The following KIDINS220 variants were observed in gnomAD, a reference collection of about 807,000 sequenced individuals.
KIDINS220 encodes kinase D interacting substrate 220.
A neutral mutation model predicts 157.6 loss-of-function variants in KIDINS220; 63 were observed. That is an observed-to-expected ratio of 0.40 (90% CI 0.33 to 0.49). KIDINS220 has a LOEUF of 0.49. KIDINS220 is among the 20% of genes least tolerant of loss of function. The probability of loss-of-function intolerance (pLI) is 0.66; values close to 1 mark genes in which losing one functional copy is unlikely to be tolerated. For missense variants in KIDINS220, 1,772 were observed against 2,171.2 expected (o/e 0.82, Z 3.65); for synonymous variants, 732 against 783.6 (o/e 0.93, Z 1.10).
At chr2:8,779,594 T>G in intron 18 of KIDINS220, 80 bp downstream of exon 18, 1 of 1,455,598 alleles carries the variant, frequency 6.9e-7, no homozygotes, top group Admixed American at 2.2e-5. Flanking sequence ...TCCGTTCTAT[T>G]TTTAGATATT....
intron 22 of KIDINS220, among the ~76,000 whole-genome samples, chr2:8,761,545 C>T (rs1668747906): frequency 6.6e-6 from 1 of 151,894 alleles, no homozygotes; most frequent in South Asian, 2.1e-4. Flanking sequence ...AAAACTATGT[C>T]ATATGAATAG....
At chr2:8,746,097 ACAGT>A (rs1406018039) in intron 26 of KIDINS220, among the ~76,000 whole-genome samples, 1 of 149,018 alleles carries the variant, frequency 6.7e-6, no homozygotes, top group Non-Finnish European at 1.5e-5. Flanking sequence ...GAAGTCTTAT[ACAGT>A]AATTTTTTTT....
chr2:8,802,301 T>G (rs1024746853), intron 8 of KIDINS220, among the ~76,000 whole-genome samples: 1 of 152,168 alleles, frequency 6.6e-6, no homozygotes, highest in South Asian at 2.1e-4. Flanking sequence ...AGAACCCAGT[T>G]GCAAAGCTAC....
downstream of KIDINS220, among the ~76,000 whole-genome samples, chr2:8,726,550 C>G (rs1251668077): frequency 6.6e-6 from 1 of 152,204 alleles, no homozygotes; most frequent in Non-Finnish European, 1.5e-5. Context: ...CATCAGTTGA[C>G]GACAGGGGTA....
downstream of KIDINS220, chr2:8,726,985 C>A (rs1415276389): frequency 8.1e-7 from 1 of 1,231,650 alleles, no homozygotes; most frequent in East Asian, 5.6e-5. Flanking sequence ...ATTGTAAATT[C>A]TCTATTTAAT....
chr2:8,734,796 T>C (rs1293973452), intron 27 of KIDINS220, 43 bp from the exon 28 acceptor site: 6 of 1,355,906 alleles, frequency 4.4e-6, no homozygotes, highest in Non-Finnish European at 5.2e-6. Context: ...AGACAGAATG[T>C]GAAATATTCT....
chr2:8,728,001 A>C (rs1663516358), downstream of KIDINS220, among the ~76,000 whole-genome samples: 3 of 152,200 alleles, frequency 2.0e-5, no homozygotes, highest in South Asian at 6.2e-4. Context: ...CATTTGATAC[A>C]TTATCAGAAC....
rs200846235 is a variant in KIDINS220 at position 8,785,785 on chromosome 2, C to T, written c.2185G>A (p.Ala729Thr). The T allele has an allele frequency of 1.6e-4, 252 of 1,613,736 alleles. No individual in the cohort carries two copies. Among genetic ancestry groups the T allele is most frequent in the Non-Finnish European group, 2.0e-4 (232 of 1,179,958 alleles). ...TTCAATTTGTGCAGTTTGGAGGCTG[C>T]ATTATGGAGGCGTTTTCTTTGGGAA... ...LNSQRKRLHN[A>T]ASKLHKLKSE... Residue 729 changes from alanine (A) to threonine (T), a missense_variant, in exon 17 of 30, where the codon GCA (alanine) becomes ACA (threonine). Around this residue, in one of 3 missense-constraint regions of KIDINS220, gnomAD observed 725 missense variants for 1,017.1 expected, o/e 0.71. Coordinates refer to ENST00000256707, the MANE Select transcript of KIDINS220 (RefSeq NM_020738.4).
At chr2:8,726,491 C>G (rs115416904), downstream of KIDINS220, among the ~76,000 whole-genome samples, 1,339 of 152,344 alleles carry the variant, frequency 8.8e-3, 26 homozygotes, top group African/African-American at 0.031. Context: ...TATAAATTCT[C>G]TAATTGGTGA....
At chr2:8,827,739 G>T (rs1297146441) in intron 1 of KIDINS220, among the ~76,000 whole-genome samples, 2 of 152,138 alleles carry the variant, frequency 1.3e-5, no homozygotes, top group African/African-American at 2.4e-5. Flanking sequence ...ATGTTAATTA[G>T]CCTGATTTGA....
chr2:8,837,254 C>T (rs1223230385), intron 1 of KIDINS220, among the ~76,000 whole-genome samples: 1 of 152,186 alleles, frequency 6.6e-6, no homozygotes. Context: ...CGGAGACCTT[C>T]CCGGCGCTCC....
intron 11 of KIDINS220, 143 bp from the exon 12 acceptor site, chr2:8,794,130 T>A (rs1033163492): frequency 2.5e-5 from 14 of 557,278 alleles, no homozygotes; most frequent in Non-Finnish European, 4.1e-5. Flanking sequence ...TATGAATTTT[T>A]ATCTCTATCT....
chr2:8,737,057 A>C (rs1664980766), intron 26 of KIDINS220, 58 bp from the exon 27 acceptor site: 4 of 1,547,376 alleles, frequency 2.6e-6, no homozygotes, highest in Non-Finnish European at 8.8e-7. Context: ...ATCTATAATG[A>C]GGTCATGTGA....
At chr2:8,821,092 G>A (rs1036773577) in intron 2 of KIDINS220, among the ~76,000 whole-genome samples, 3 of 151,846 alleles carry the variant, frequency 2.0e-5, no homozygotes, top group Non-Finnish European at 4.4e-5. Flanking sequence ...TGTTCACATA[G>A]GTAAGTGTTT....
At chr2:8,787,609 G>C (rs905026016) in intron 15 of KIDINS220, among the ~76,000 whole-genome samples, 2 of 151,834 alleles carry the variant, frequency 1.3e-5, no homozygotes, top group African/African-American at 4.8e-5. Flanking sequence ...TCAAGCAATT[G>C]ACCACTTTGG....
intron 7 of KIDINS220, among the ~76,000 whole-genome samples, chr2:8,803,334 C>T (rs1486756701): frequency 6.6e-6 from 1 of 152,036 alleles, no homozygotes; most frequent in African/African-American, 2.4e-5. Flanking sequence ...TTTGAAAATA[C>T]ATTAATGATC....
chr2:8,747,757 T>C, intron 25 of KIDINS220, 130 bp downstream of exon 25: 1 of 464,834 alleles, frequency 2.2e-6, no homozygotes, highest in Non-Finnish European at 3.7e-6. Context: ...ATGTTAGTAA[T>C]AGGTTGTTTC....
intron 1 of KIDINS220, among the ~76,000 whole-genome samples, chr2:8,829,268 A>G (rs1431423136): frequency 1.3e-5 from 2 of 152,212 alleles, no homozygotes; most frequent in African/African-American, 2.4e-5. Context: ...TCGTTTGTCA[A>G]AATTCAGAAC....
chr2:8,736,601 T>C (rs996077753), intron 27 of KIDINS220, among the ~76,000 whole-genome samples: 11 of 152,240 alleles, frequency 7.2e-5, no homozygotes, highest in African/African-American at 2.7e-4. Flanking sequence ...CTCTTTCTCA[T>C]CAAGGCATTC....
Sources: allele counts gnomAD v4.1 joint callset (sites outside exome capture counted in the v4.1 genomes callset), GRCh38; gene constraint gnomAD v4.1.1; regional missense constraint gnomAD v4.1.1; transcripts MANE v1.5; gene names NCBI Gene and HGNC (gene_info 2026-07-23, HGNC 2026-07-21).